CFAP221: variants seen among roughly 807,000 people sequenced by gnomAD.
CFAP221 encodes cilia and flagella associated protein 221, also known as cilia- and flagella-associated protein 221.
CFAP221 carries 97 observed loss-of-function variants against 113.1 expected under a neutral mutation model. The ratio of observed to expected loss-of-function variants is 0.86; its 90% CI spans 0.73 to 1.02. The LOEUF is 1.02. Among genes scored for constraint, CFAP221 ranks in the 50% least tolerant of loss-of-function variants. CFAP221 has a pLI of 0.00. For missense variants in CFAP221, 1,025 were observed against 1,013.4 expected (o/e 1.01, Z -0.16); for synonymous variants, 331 against 354.4 (o/e 0.93, Z 0.74).
intron 23 of CFAP221, among the ~76,000 whole-genome samples, chr2:119,653,156 G>A (rs1688227248): frequency 6.6e-6 from 1 of 151,852 alleles, no homozygotes; most frequent in South Asian, 2.1e-4. Flanking sequence ...TGGGGCGGGT[G>A]GATCACCTGA....
intron 14 of CFAP221, among the ~76,000 whole-genome samples, chr2:119,618,654 G>A (rs1018361776): frequency 6.6e-6 from 1 of 152,100 alleles, no homozygotes; most frequent in Non-Finnish European, 1.5e-5. Context: ...TCACAAAACT[G>A]GGTGGCCATT....
intron 14 of CFAP221, among the ~76,000 whole-genome samples, chr2:119,619,131 C>T (rs1259790218): frequency 6.6e-6 from 1 of 152,206 alleles, no homozygotes; most frequent in Non-Finnish European, 1.5e-5. Flanking sequence ...GGACAGAGCA[C>T]CTGGGGAAAG....
At chr2:119,565,716 C>T (rs1284854324) in intron 6 of CFAP221, among the ~76,000 whole-genome samples, 4 of 152,204 alleles carry the variant, frequency 2.6e-5, no homozygotes, top group Non-Finnish European at 4.4e-5. Flanking sequence ...ATTCTGGCAG[C>T]AGGCATAGCC....
In CFAP221 at chr2:119,568,489, G is replaced by A. The variant is rs187361129; in HGVS notation, c.527+6375G>A. Among the ~76,000 whole-genome samples the A allele has an allele frequency of 6.3e-3, 962 of 151,768 alleles. 3 individuals carry two copies. Among genetic ancestry groups the A allele is most frequent in the African/African-American group, 0.011 (441 of 41,314 alleles). The stretch of plus-strand genomic sequence containing the variant: ...ATTTTTCCTAATGCTCTCCCTCCCC[G>A]TGCCCCCCACCTCCCGACAGGCCCC... On this transcript the variant is annotated intron_variant, in intron 6 of 23. Coordinates refer to ENST00000413369, the MANE Select transcript of CFAP221 (RefSeq NM_001271049.2).
intron 12 of CFAP221, among the ~76,000 whole-genome samples, 199 bp downstream of exon 12, chr2:119,608,788 G>C (rs1256373728): frequency 3.3e-5 from 5 of 152,226 alleles, no homozygotes; most frequent in Non-Finnish European, 4.4e-5. Flanking sequence ...TGGGGATTCA[G>C]AAGCCAGAGA....
chr2:119,639,456 A>G lies in CFAP221; in HGVS notation c.2134-325A>G, dbSNP rs533094974. On this transcript the variant is annotated intron_variant, in intron 20 of 23. Transcript: ENST00000413369. ...GCTGGATGAACTGCCATCCTCTCCA[A>G]GTGTTGCATTAGCATCACATTCACA... 3.3e-5 allele frequency among the ~76,000 whole-genome samples: 5 copies of G among 152,312 alleles called. No homozygotes were observed. The South Asian group carries it at 8.3e-4, about 25-fold the overall frequency.
chr2:119,579,947 G>A (rs969647601), intron 6 of CFAP221, among the ~76,000 whole-genome samples: 5 of 152,156 alleles, frequency 3.3e-5, no homozygotes, highest in Admixed American at 6.5e-5. Flanking sequence ...GTGTGGCTGC[G>A]TGAGTCCACT....
In CFAP221 at chr2:119,627,704, C is replaced by A. The variant is rs759718000; in HGVS notation, c.1568C>A (p.Thr523Asn). 31 of 1,613,656 alleles carry A rather than the reference C, an allele frequency of 1.9e-5. No homozygotes were observed. The highest frequency in any genetic ancestry group is 2.5e-5 in the Non-Finnish European group (29 of 1,179,932). The change falls in exon 16 of 24, where the codon ACC becomes AAC. Residue 523 changes from threonine (T) to asparagine (N), a missense_variant. Physicochemically the swap from Thr to Asn is moderately conservative, Grantham distance 65. Transcript: ENST00000413369. The part of the protein sequence containing the change: ...FLRRISQDDY[T>N]SRFSVSPKEV... ...AGGCGGATCAGTCAGGATGATTATA[C>A]CAGCCGGTTCTCTGTGTCGCCCAAG...
At chr2:119,626,492 G>A (rs1686314712) in intron 15 of CFAP221, among the ~76,000 whole-genome samples, 1 of 152,018 alleles carries the variant, frequency 6.6e-6, no homozygotes, top group African/African-American at 2.4e-5. Context: ...CCTGTTTTGT[G>A]CCCTCTGCTT....
At chr2:119,627,099 A>G (rs1210315138) in intron 15 of CFAP221, among the ~76,000 whole-genome samples, 1 of 151,972 alleles carries the variant, frequency 6.6e-6, no homozygotes, top group East Asian at 1.9e-4. Flanking sequence ...AGCAGGCCCT[A>G]ATCTTTCCAG....
intron 3 of CFAP221, among the ~76,000 whole-genome samples, chr2:119,553,365 G>A (rs1365115808): frequency 3.3e-5 from 5 of 152,204 alleles, no homozygotes; most frequent in Non-Finnish European, 7.3e-5. Context: ...GGGTAATGGA[G>A]AAGGTGAGAC....
chr2:119,575,835 T>C (rs1682407350), intron 6 of CFAP221, among the ~76,000 whole-genome samples: 1 of 152,230 alleles, frequency 6.6e-6, no homozygotes, highest in Non-Finnish European at 1.5e-5. Flanking sequence ...ATGACAGATA[T>C]CATGTCATCT....
At chr2:119,570,080 G>T (rs1681935408) in intron 6 of CFAP221, among the ~76,000 whole-genome samples, 1 of 152,150 alleles carries the variant, frequency 6.6e-6, no homozygotes, top group South Asian at 2.1e-4. Flanking sequence ...TCATGTACTG[G>T]GTAAAAGGAA....
chr2:119,625,638 A>C lies in CFAP221; in HGVS notation c.1466A>C (p.Lys489Thr). The C allele has an allele frequency of 6.2e-7, 1 of 1,613,994 alleles. No homozygotes were observed. Among genetic ancestry groups the C allele is most frequent in the Non-Finnish European group, 8.5e-7 (1 of 1,179,826 alleles). Reference protein sequence around the residue: ...NMLSAVREMDKESILRKIGQA... With the variant: ...NMLSAVREMDTESILRKIGQA... ...CTGAGTGCTGTTCGTGAAATGGACA[A>C]AGAGAGTATACTGAGAAAGATTGGC... is the stretch of plus-strand genomic sequence containing the variant. Residue 489 changes from lysine (K) to threonine (T), a missense_variant, in exon 15 of 24, where the codon AAA becomes ACA. Coordinates refer to ENST00000413369, the MANE Select transcript of CFAP221 (RefSeq NM_001271049.2).
intron 21 of CFAP221, among the ~76,000 whole-genome samples, 175 bp from the exon 22 acceptor site, chr2:119,646,783 A>G (rs958798675): frequency 3.3e-5 from 5 of 152,202 alleles, no homozygotes; most frequent in African/African-American, 4.8e-5. Flanking sequence ...CCTGGGGCCT[A>G]TTGCATCCCC....
At chr2:119,628,042 C>T (rs1686462347) in intron 16 of CFAP221, among the ~76,000 whole-genome samples, 1 of 152,140 alleles carries the variant, frequency 6.6e-6, no homozygotes, top group Non-Finnish European at 1.5e-5. Flanking sequence ...GAGCACTGAC[C>T]CCCGCCCAAC....
rs575737171 is a variant in CFAP221 at position 119,638,543 on chromosome 2, T to C, written c.2133+126T>C. On this transcript the variant is annotated intron_variant, in intron 20 of 23. Coordinates refer to ENST00000413369, the MANE Select transcript of CFAP221 (RefSeq NM_001271049.2). Reference sequence around the variant, plus strand: ...CGCCACAGCTGCAGAACAAGAATGGTAACACCGCCCCTCATACCGCCAGCC... The same window carrying C: ...CGCCACAGCTGCAGAACAAGAATGGCAACACCGCCCCTCATACCGCCAGCC... 27 of 1,231,428 alleles carry C rather than the reference T, an allele frequency of 2.2e-5. No individual in the cohort carries two copies. The South Asian group carries it at 3.3e-4, about 15-fold the overall frequency. 76.3% of individuals were successfully genotyped at this position (1,231,428 alleles called of 1,614,324 possible). A position where few individuals can be genotyped will look rare whatever the true frequency, so the allele number is the denominator to read the frequency against.
chr2:119,616,550 G>A lies in CFAP221; in HGVS notation c.1410+841G>A, dbSNP rs115453120. Among the ~76,000 whole-genome samples the A allele has an allele frequency of 3.6e-3, 543 of 152,244 alleles. 5 individuals carry two copies. Among genetic ancestry groups the A allele is most frequent in the African/African-American group, 0.012 (510 of 41,540 alleles). On this transcript the variant is annotated intron_variant, in intron 14 of 23. Transcript: ENST00000413369. ...CATGCTGGTCCTCCAGTGGCTTCCT[G>A]TTATCAGGATAAAACGAAGACTTCT...
intron 22 of CFAP221, among the ~76,000 whole-genome samples, chr2:119,650,512 G>A (rs757277399): frequency 3.3e-5 from 5 of 152,160 alleles, no homozygotes; most frequent in African/African-American, 4.8e-5. Context: ...TTTTGACTCC[G>A]TTTCCTCATC....
Sources: gnomAD v4.1 joint callset for allele counts (sites outside exome capture counted in the v4.1 genomes callset) on GRCh38, gnomAD v4.1.1 for gene constraint, MANE v1.5 for transcripts, NCBI Gene and HGNC (gene_info 2026-07-23, HGNC 2026-07-21) for gene names.